Variants in MET observed in about 807,000 individuals in gnomAD.
MET encodes MET proto-oncogene, receptor tyrosine kinase, also known as hepatocyte growth factor receptor.
MET carries 48 observed loss-of-function variants against 133.1 expected under a neutral mutation model. The ratio of observed to expected loss-of-function variants is 0.36; its 90% confidence interval spans 0.29 to 0.46. The LOEUF is 0.46. MET is among the 20% of genes least tolerant of loss of function. The pLI, the probability that MET is intolerant of heterozygous loss-of-function variation, is 1.00. For missense variants in MET, 1,442 were observed against 1,695.9 expected, an observed-to-expected ratio of 0.85 and a Z score of 2.63; for synonymous variants, 628 against 616.5, an observed-to-expected ratio of 1.02 and a Z score of -0.28.
chr7:116,793,138 A>T (rs1242942858), intron 19 of MET, among the ~76,000 whole-genome samples: 5 of 150,606 alleles, frequency 3.3e-5, no homozygotes, highest in Non-Finnish European at 7.4e-5. Flanking sequence ...ACAACTCAGA[A>T]CTCAGCCATG....
Position 116,795,736 on chromosome 7 carries a change from G to A in MET, c.3880G>A (p.Val1294Ile), listed in dbSNP as rs1263785859. 5 of 1,614,018 alleles carry A rather than the reference G, an allele frequency of 3.1e-6. No homozygotes were observed. In the African/African-American group the frequency reaches 6.7e-5, roughly 22 times the overall value. The change falls in exon 20 of 21, where the codon GTT becomes ATT. Residue 1294 changes from valine to isoleucine, a missense_variant. Val to Ile is a conservative substitution (Grantham distance 29). Transcript: ENST00000397752. ...TGACGTAAACACCTTTGATATAACT[G>A]TTTACTTGTTGCAAGGGAGAAGACT... is the stretch of plus-strand genomic sequence containing the variant. ...YPDVNTFDIT[V>I]YLLQGRRLLQ...
intron 1 of MET, among the ~76,000 whole-genome samples, chr7:116,675,874 T>A (rs1260848441): frequency 6.6e-6 from 1 of 152,086 alleles, no homozygotes; most frequent in Non-Finnish European, 1.5e-5. Flanking sequence ...TTAAGAGCCG[T>A]GAATAATTTT....
chr7:116,783,042 A>G (rs992207730), intron 18 of MET, among the ~76,000 whole-genome samples: 2 of 152,246 alleles, frequency 1.3e-5, no homozygotes, highest in East Asian at 3.8e-4. Flanking sequence ...GCAGATCTAC[A>G]TTAAAGCAAA....
intron 19 of MET, among the ~76,000 whole-genome samples, chr7:116,793,046 C>T (rs1212678632): frequency 1.3e-5 from 2 of 152,192 alleles, no homozygotes. Context: ...TATTCAGAAA[C>T]CTCCTAACTG....
intron 2 of MET, among the ~76,000 whole-genome samples, chr7:116,720,071 T>C (rs1163220097): frequency 6.6e-6 from 1 of 152,236 alleles, no homozygotes; most frequent in East Asian, 1.9e-4. Context: ...ATCTATAAAT[T>C]ACCTTGGGCA....
Position 116,796,468 on chromosome 7 carries a change from A to G in MET, c.*344A>G. Reference sequence around the variant, plus strand: ...AGGAAATATTGAGGGCTTCTTGATCACAGAAAACTCAGAAGAGATAGTAAT... The same window carrying G: ...AGGAAATATTGAGGGCTTCTTGATCGCAGAAAACTCAGAAGAGATAGTAAT... On this transcript the variant is annotated 3_prime_UTR_variant, in exon 21 of 21. Transcript: ENST00000397752. The G allele has an allele frequency of 2.3e-6, 1 of 437,858 alleles. No homozygotes were observed. The highest frequency in any genetic ancestry group is 4.2e-6 in the Non-Finnish European group (1 of 236,598). 27.1% of individuals were successfully genotyped at this position (437,858 alleles called of 1,614,324 possible).
chr7:116,793,850 G>T (rs1244472435), intron 19 of MET, among the ~76,000 whole-genome samples: 1 of 152,066 alleles, frequency 6.6e-6, no homozygotes, highest in Non-Finnish European at 1.5e-5. Flanking sequence ...AGTACACCAA[G>T]ATTGCACCAC....
At chr7:116,702,074 C>A (rs983854121) in intron 2 of MET, among the ~76,000 whole-genome samples, 1 of 152,056 alleles carries the variant, frequency 6.6e-6, no homozygotes, top group African/African-American at 2.4e-5. Context: ...GAATTTTATC[C>A]TACCCTTTTG....
chr7:116,718,488 T>C (rs1373906478), intron 2 of MET, among the ~76,000 whole-genome samples: 2 of 152,086 alleles, frequency 1.3e-5, no homozygotes, highest in East Asian at 3.9e-4. Context: ...ATTTTAGAAG[T>C]GGATAAGCCT....
chr7:116,676,634 G>C (rs1796169012), intron 1 of MET, among the ~76,000 whole-genome samples: 1 of 152,206 alleles, frequency 6.6e-6, no homozygotes, highest in Non-Finnish European at 1.5e-5. Context: ...GAGAGAGTGG[G>C]ATGGTGATTG....
At chr7:116,772,045 T>C (rs2116999030) in intron 14 of MET, 56 bp downstream of exon 14, 1 of 1,589,206 alleles carries the variant, frequency 6.3e-7, no homozygotes, top group Non-Finnish European at 8.6e-7. Context: ...CAGTGGGTTG[T>C]GACATTGTTG....
At chr7:116,754,911 G>GA (rs1434193803) in intron 5 of MET, among the ~76,000 whole-genome samples, 2 of 128,716 alleles carry the variant, frequency 1.6e-5, no homozygotes, top group Non-Finnish European at 3.4e-5. Context: ...AAGAAAGAAA[G>GA]AAAGAAAGAA....
intron 2 of MET, among the ~76,000 whole-genome samples, chr7:116,707,396 T>C (rs931961210): frequency 6.6e-6 from 1 of 152,150 alleles, no homozygotes; most frequent in Admixed American, 6.5e-5. Context: ...TGGTAGATGA[T>C]ACTTCAAATC....
intron 6 of MET, 57 bp from the exon 7 acceptor site, chr7:116,757,380 C>T (rs2116918902): frequency 2.1e-6 from 3 of 1,419,442 alleles, no homozygotes; most frequent in South Asian, 1.2e-5. Flanking sequence ...TATAAAACAA[C>T]CTAACCAGAA....
intron 19 of MET, among the ~76,000 whole-genome samples, chr7:116,790,738 C>T (rs1394636708): frequency 6.6e-6 from 1 of 152,108 alleles, no homozygotes; most frequent in African/African-American, 2.4e-5. Context: ...GAGTAGTATT[C>T]CATCGTACAG....
chr7:116,708,148 C>T (rs952356006), intron 2 of MET, among the ~76,000 whole-genome samples: 2 of 151,984 alleles, frequency 1.3e-5, no homozygotes, highest in African/African-American at 4.8e-5. Context: ...CACCAGTGAA[C>T]AAATACATCA....
At chr7:116,729,682 G>A (rs138784802) in intron 2 of MET, among the ~76,000 whole-genome samples, 27 of 151,794 alleles carry the variant, frequency 1.8e-4, no homozygotes, top group East Asian at 9.7e-4. Flanking sequence ...ACTTTCTCCC[G>A]TCCCCATCGT....
At chr7:116,755,331 A>G (rs755641157) in intron 5 of MET, 24 bp from the exon 6 acceptor site, 1 of 1,613,120 alleles carries the variant, frequency 6.2e-7, no homozygotes, top group South Asian at 1.1e-5. Context: ...GGGTTTTTTT[A>G]AAAGTTCTAT....
In MET at chr7:116,699,027, T is replaced by C. The variant is rs748829868; in HGVS notation, c.-14-44T>C. The stretch of plus-strand genomic sequence containing the variant: ...TATAGGTCTTTCAGTTTTCTCTTCA[T>C]TTCTGACAACTGAACTGCTCTCGCC... On this transcript the variant is annotated intron_variant, in intron 1 of 20. Coordinates refer to ENST00000397752, the MANE Select transcript of MET (RefSeq NM_000245.4). The C allele has an allele frequency of 5.0e-6, 8 of 1,612,548 alleles. No individual in the cohort carries two copies. The South Asian group carries it at 8.8e-5, about 18-fold the overall frequency.
Sources: allele counts gnomAD v4.1 joint callset (sites outside exome capture counted in the v4.1 genomes callset), GRCh38; gene constraint gnomAD v4.1.1; transcripts MANE v1.5; gene names NCBI Gene and HGNC (gene_info 2026-07-23, HGNC 2026-07-21).